SLC9A9: variants seen among roughly 807,000 people sequenced by gnomAD.
The protein encoded by SLC9A9 is sodium/hydrogen exchanger 9.
Under a neutral mutation model 77.8 loss-of-function variants are expected in SLC9A9, and 62 were observed. The observed-to-expected ratio is 0.80, with a 90% confidence interval of 0.65 to 0.98. SLC9A9 has a LOEUF of 0.98. Among genes scored for constraint, SLC9A9 ranks in the 50% least tolerant of loss-of-function variants. The probability of loss-of-function intolerance (pLI) is 0.00; values close to 1 mark genes in which losing one functional copy is unlikely to be tolerated. For synonymous variants in SLC9A9, 320 were observed against 283.5 expected, an observed-to-expected ratio of 1.13 and a Z score of -1.29; for missense variants, 775 against 774.9, an observed-to-expected ratio of 1.00 and a Z score of 0.00.
At chr3:143,700,266 G>A (rs1933758381) in intron 4 of SLC9A9, among the ~76,000 whole-genome samples, 1 of 152,128 alleles carries the variant, frequency 6.6e-6, no homozygotes, top group Non-Finnish European at 1.5e-5. Context: ...TTCCCAGCCT[G>A]TGGTGGCTAT....
intron 12 of SLC9A9, among the ~76,000 whole-genome samples, chr3:143,389,321 C>A (rs890112517): frequency 2.0e-5 from 3 of 151,918 alleles, no homozygotes; most frequent in Non-Finnish European, 4.4e-5. Flanking sequence ...AATGGTCCAA[C>A]CAAGAGTTCA....
chr3:143,701,749 T>G (rs1481471612), intron 4 of SLC9A9, among the ~76,000 whole-genome samples: 1 of 152,092 alleles, frequency 6.6e-6, no homozygotes, highest in Admixed American at 6.6e-5. Context: ...GAATATTTAT[T>G]TAAAAGGCTA....
intron 9 of SLC9A9, among the ~76,000 whole-genome samples, chr3:143,505,620 C>T (rs887759242): frequency 1.3e-5 from 2 of 152,178 alleles, no homozygotes; most frequent in East Asian, 1.9e-4. Context: ...GCTTGCTACC[C>T]AGCCCTCTCC....
In SLC9A9 at chr3:143,350,706, A is replaced by T. The variant is rs1393163775; in HGVS notation, c.1604+12778T>A. Among the ~76,000 whole-genome samples the T allele has an allele frequency of 2.0e-5, 3 of 152,252 alleles. No individual in the cohort carries two copies. The East Asian group carries it at 5.8e-4, about 29-fold the overall frequency. ...TACTTTGTGGGGCAAATATGATTAT[A>T]CTCATCTTACAGATTAGAAAATAGT... On this transcript the variant is annotated intron_variant, in intron 14 of 15. Transcript: ENST00000316549.
chr3:143,665,552 T>C (rs1468147567), intron 5 of SLC9A9, among the ~76,000 whole-genome samples: 1 of 152,168 alleles, frequency 6.6e-6, no homozygotes, highest in Non-Finnish European at 1.5e-5. Context: ...AGCTAGTTTT[T>C]TTTGAAAAGA....
intron 11 of SLC9A9, among the ~76,000 whole-genome samples, chr3:143,488,810 T>G (rs1217737450): frequency 6.6e-6 from 1 of 151,992 alleles, no homozygotes; most frequent in Non-Finnish European, 1.5e-5. Flanking sequence ...GACTAAAGTC[T>G]TTTATTCTAA....
At chr3:143,432,016 A>G (rs925458029) in intron 12 of SLC9A9, among the ~76,000 whole-genome samples, 1 of 151,998 alleles carries the variant, frequency 6.6e-6, no homozygotes, top group African/African-American at 2.4e-5. Flanking sequence ...GCCCAATCCC[A>G]TCCCTATAAC....
intron 9 of SLC9A9, among the ~76,000 whole-genome samples, chr3:143,536,841 A>G (rs1401479849): frequency 6.6e-6 from 1 of 152,182 alleles, no homozygotes; most frequent in Non-Finnish European, 1.5e-5. Flanking sequence ...GACTCCCCAA[A>G]GGGATCTTCA....
chr3:143,489,130 A>C (rs1208241247), intron 11 of SLC9A9, among the ~76,000 whole-genome samples: 1 of 151,954 alleles, frequency 6.6e-6, no homozygotes, highest in Non-Finnish European at 1.5e-5. Context: ...AAATAATTCC[A>C]TTCACAATAG....
chr3:143,713,622 T>C (rs1011139160), intron 4 of SLC9A9, among the ~76,000 whole-genome samples: 2 of 152,194 alleles, frequency 1.3e-5, no homozygotes, highest in South Asian at 4.1e-4. Flanking sequence ...AATTTAAACA[T>C]TCCTTAAGTA....
chr3:143,515,385 C>T (rs1348078311), intron 9 of SLC9A9, among the ~76,000 whole-genome samples: 1 of 152,044 alleles, frequency 6.6e-6, no homozygotes, highest in Admixed American at 6.6e-5. Flanking sequence ...GAGGCTTGCT[C>T]CAAGCAGGGT....
intron 14 of SLC9A9, among the ~76,000 whole-genome samples, chr3:143,312,066 G>T (rs546791272): frequency 2.6e-5 from 4 of 152,302 alleles, no homozygotes; most frequent in Admixed American, 2.0e-4. Context: ...TGAGAATTTT[G>T]TCTGTTACAT....
chr3:143,415,287 C>T (rs2034171742), intron 12 of SLC9A9, among the ~76,000 whole-genome samples: 1 of 152,192 alleles, frequency 6.6e-6, no homozygotes, highest in African/African-American at 2.4e-5. Context: ...AACAGATTGT[C>T]AATGTAGACA....
chr3:143,723,338 G>C (rs1194590269), intron 4 of SLC9A9, among the ~76,000 whole-genome samples: 1 of 152,150 alleles, frequency 6.6e-6, no homozygotes, highest in African/African-American at 2.4e-5. Flanking sequence ...TGCACACATG[G>C]AGTTAGACAC....
chr3:143,371,194 A>C (rs190704503), intron 13 of SLC9A9, among the ~76,000 whole-genome samples: 4 of 152,304 alleles, frequency 2.6e-5, no homozygotes, highest in Admixed American at 1.3e-4. Context: ...TGAGAAATAA[A>C]TGGAGAGATT....
At chr3:143,294,557 C>T (rs2108420737) in intron 14 of SLC9A9, among the ~76,000 whole-genome samples, 1 of 152,258 alleles carries the variant, frequency 6.6e-6, no homozygotes, top group East Asian at 1.9e-4. Flanking sequence ...AATTAGCTAT[C>T]CAAATAATGC....
chr3:143,799,578 A>T (rs1206353935), intron 2 of SLC9A9, among the ~76,000 whole-genome samples: 1 of 152,186 alleles, frequency 6.6e-6, no homozygotes, highest in Admixed American at 6.5e-5. Context: ...AAATCTGGCC[A>T]CTGGGCCAAG....
At chr3:143,799,914 C>G (rs2008503032) in intron 2 of SLC9A9, among the ~76,000 whole-genome samples, 1 of 152,202 alleles carries the variant, frequency 6.6e-6, no homozygotes, top group African/African-American at 2.4e-5. Flanking sequence ...GTTTCCTTTG[C>G]CTCCATAACT....
At chr3:143,746,563 A>G (rs745495222) in intron 4 of SLC9A9, among the ~76,000 whole-genome samples, 2 of 152,186 alleles carry the variant, frequency 1.3e-5, no homozygotes, top group East Asian at 3.8e-4. Context: ...CTCTCAATCA[A>G]TGTGTTTTAG....
Sources: gnomAD v4.1 joint callset for allele counts (sites outside exome capture counted in the v4.1 genomes callset) on GRCh38, gnomAD v4.1.1 for gene constraint, MANE v1.5 for transcripts, NCBI Gene and HGNC (gene_info 2026-07-23, HGNC 2026-07-21) for gene names.